SGK3: variants seen among roughly 807,000 people sequenced by gnomAD.
The protein encoded by SGK3 is serine/threonine-protein kinase Sgk3.
In SGK3, 47 loss-of-function variants were observed where a neutral mutation model predicts 68.5. The observed-to-expected ratio is 0.69, with a 90% confidence interval of 0.54 to 0.87. The LOEUF is 0.87. Among genes scored for constraint, SGK3 ranks in the 40% least tolerant of loss-of-function variants. The probability of loss-of-function intolerance (pLI) is 0.00; values close to 1 mark genes in which losing one functional copy is unlikely to be tolerated. For missense variants in SGK3, 479 were observed against 575.5 expected (o/e 0.83, Z 1.72); for synonymous variants, 181 against 189.1 (o/e 0.96, Z 0.35).
intron 5 of SGK3, among the ~76,000 whole-genome samples, chr8:66,816,857 C>T (rs1001924675): frequency 1.3e-5 from 2 of 151,242 alleles, no homozygotes; most frequent in Non-Finnish European, 1.5e-5. Context: ...TTGAGACAGA[C>T]TCTCGCTCTA....
Position 66,861,785 on chromosome 8 carries a change from T to C in SGK3, c.*2204T>C, listed in dbSNP as rs1308684362. On this transcript the variant is annotated 3_prime_UTR_variant, in exon 17 of 17. Transcript: ENST00000521198. ...GACTTTAATATCTATACTGTAAATA[T>C]TTGGTTTATTTGGCACTACTGTAAG... is the stretch of plus-strand genomic sequence containing the variant. 6.6e-6 allele frequency: 1 copy of C among 152,186 alleles called. No homozygotes were observed. The highest frequency in any genetic ancestry group is 1.9e-4 in the East Asian group (1 of 5,200). The allele number at this position is 152,186 out of a possible 1,614,324, so 9.4% of individuals were successfully genotyped here. A position where few individuals can be genotyped will look rare whatever the true frequency, so the allele number is the denominator to read the frequency against.
chr8:66,782,641 T>G (rs1009956714), intron 1 of SGK3, among the ~76,000 whole-genome samples: 2 of 152,242 alleles, frequency 1.3e-5, no homozygotes, highest in Non-Finnish European at 2.9e-5. Context: ...CGTTTCACCC[T>G]GTGCCCCAGC....
intron 3 of SGK3, 37 bp downstream of exon 3, chr8:66,798,662 A>G: frequency 6.5e-7 from 1 of 1,550,242 alleles, no homozygotes; most frequent in African/African-American, 1.4e-5. Flanking sequence ...ATTAAAAGAA[A>G]GCACCCGAGA....
Position 66,744,501 on chromosome 8 carries a change from ATATATATATATATATATATTTTTT to A in SGK3, c.-122+31670_-122+31693del, listed in dbSNP as rs1296066897. 1.5e-4 allele frequency among the ~76,000 whole-genome samples: 3 copies of A among 20,670 alleles called. No homozygotes were observed. The East Asian group carries it at 3.9e-3, about 27-fold the overall frequency. The allele number at this position is 20,670 out of a possible 152,430, so 13.6% of individuals were successfully genotyped here. On this transcript the variant is annotated intron_variant, in intron 1 of 16. Coordinates refer to ENST00000521198, the MANE Select transcript of SGK3 (RefSeq NM_001033578.3). ...TGTGTGTGTATATATATATATATAT[ATATATATATATATATATATTTTTT>A]TTTTTTTTTTTTTTTTTTTTAGATG... is the stretch of plus-strand genomic sequence containing the variant.
At chr8:66,826,118 G>A (rs959872406) in intron 6 of SGK3, among the ~76,000 whole-genome samples, 14 of 152,014 alleles carry the variant, frequency 9.2e-5, no homozygotes, top group Non-Finnish European at 1.8e-4. Flanking sequence ...GACTACAGGC[G>A]CACGCCACCA....
chr8:66,804,827 A>C (rs1808085955), intron 4 of SGK3, among the ~76,000 whole-genome samples: 1 of 152,166 alleles, frequency 6.6e-6, no homozygotes, highest in African/African-American at 2.4e-5. Flanking sequence ...AGTGGCTCAC[A>C]CCTGTAATCG....
intron 5 of SGK3, 48 bp from the exon 6 acceptor site, chr8:66,822,324 C>G: frequency 6.5e-7 from 1 of 1,532,830 alleles, no homozygotes; most frequent in Non-Finnish European, 8.9e-7. Flanking sequence ...GGGAGAAAGG[C>G]TGTAGAAATG....
At position 66,717,214 on chromosome 8, in the gene SGK3, AAAAACAAAAAAAACAAAAAAAAC is replaced by A. The variant is rs1421823382; in HGVS notation, c.-122+4386_-122+4408del. 4.7e-3 allele frequency among the ~76,000 whole-genome samples: 630 copies of A among 133,784 alleles called. 27 individuals are homozygous for A. The highest frequency in any genetic ancestry group is 0.019 in the African/African-American group (575 of 29,704). 87.8% of individuals were successfully genotyped at this position (133,784 alleles called of 152,430 possible). A position where few individuals can be genotyped will look rare whatever the true frequency, so the allele number is the denominator to read the frequency against. ...GAGTGAAACTCTTTATCTGAAAAAAAAAAACAAAAAAAACAAAAAAAACAAAAAAAAAACGCTGGGCTTGGTGG... is the reference window on the plus strand; with the variant it reads ...GAGTGAAACTCTTTATCTGAAAAAAAAAAAAAAAAACGCTGGGCTTGGTGG... On this transcript the variant is annotated intron_variant, in intron 1 of 16. Coordinates refer to ENST00000521198, the MANE Select transcript of SGK3 (RefSeq NM_001033578.3).
rs778354101 is a variant in SGK3, at chr8:66,798,593, A to T, written c.148A>T (p.Arg50Ter). The change falls in exon 3 of 17, where the codon AGA (arginine) becomes TGA (stop). Residue 50 changes from arginine to a stop codon, truncating the protein, a stop_gained. Transcript: ENST00000521198. LOFTEE classifies it high-confidence loss of function. ...VGRSEWFVFRRYAEFDKLYNT... is the reference protein window; with the variant it reads ...VGRSEWFVFR ...AAGAAGTGAATGGTTTGTCTTCAGGAGATATGCAGAGTTTGATAAACTTTA... is the reference window on the plus strand; with the variant it reads ...AAGAAGTGAATGGTTTGTCTTCAGGTGATATGCAGAGTTTGATAAACTTTA... 6.2e-7 allele frequency: 1 copy of T among 1,611,356 alleles called. No individual in the cohort carries two copies.
chr8:66,734,482 G>A (rs1417142102), intron 1 of SGK3, among the ~76,000 whole-genome samples: 1 of 151,950 alleles, frequency 6.6e-6, no homozygotes, highest in African/African-American at 2.4e-5. Context: ...ATTCATTTGA[G>A]GTTTCCTGGG....
intron 1 of SGK3, among the ~76,000 whole-genome samples, chr8:66,776,690 A>G (rs1806726497): frequency 6.6e-6 from 1 of 152,230 alleles, no homozygotes; most frequent in East Asian, 1.9e-4. Flanking sequence ...TTTATCTTTG[A>G]CAGTTTTATG....
At position 66,824,198 on chromosome 8, in the gene SGK3, T is replaced by TA. The variant is rs570648819; in HGVS notation, c.417+1747dup. ...GCTCCTAGGACAATGTAAAAAGCTT[T>TA]AAAAAAAATCTCTGTAGCTGGTCAA... On this transcript the variant is annotated intron_variant, in intron 6 of 16. Transcript: ENST00000521198. Among the ~76,000 whole-genome samples, 33 of 152,062 alleles carry TA rather than the reference T, an allele frequency of 2.2e-4. No individual in the cohort carries two copies. The Middle Eastern group carries it at 0.014, about 63-fold the overall frequency.
intron 1 of SGK3, among the ~76,000 whole-genome samples, chr8:66,722,768 G>A (rs1804831752): frequency 6.6e-6 from 1 of 152,158 alleles, no homozygotes; most frequent in African/African-American, 2.4e-5. Context: ...TCTGCAGGCT[G>A]TACAGGAAGC....
intron 1 of SGK3, chr8:66,767,669 C>T (rs1196397543): frequency 5.0e-6 from 7 of 1,401,602 alleles, no homozygotes; most frequent in Non-Finnish European, 7.1e-6. Context: ...TTTTCTATTT[C>T]TGGATAGCCA....
At chr8:66,721,207 C>T (rs111953826) in intron 1 of SGK3, among the ~76,000 whole-genome samples, 1,715 of 152,316 alleles carry the variant, frequency 0.011, 18 homozygotes, top group Non-Finnish European at 0.017. Context: ...TAGCATCGGT[C>T]TGTGCTGACA....
intron 1 of SGK3, among the ~76,000 whole-genome samples, chr8:66,786,746 TCTGCTTCCATAC>T (rs1441863286): frequency 6.6e-6 from 1 of 152,136 alleles, no homozygotes; most frequent in African/African-American, 2.4e-5. Context: ...CTTTCAAACA[TCTGCTTCCATAC>T]CTGCCTGGCT....
intron 5 of SGK3, among the ~76,000 whole-genome samples, chr8:66,821,278 T>C (rs2130667051): frequency 6.6e-6 from 1 of 152,242 alleles, no homozygotes; most frequent in East Asian, 1.9e-4. Context: ...TATGTCTGTG[T>C]ATCTTTGGTA....
intron 16 of SGK3, among the ~76,000 whole-genome samples, chr8:66,853,376 G>T (rs1181463598): frequency 6.6e-6 from 1 of 152,140 alleles, no homozygotes; most frequent in Non-Finnish European, 1.5e-5. Context: ...ACTTATGATT[G>T]CATCTGTGGG....
chr8:66,765,812 T>C (rs886997180), intron 1 of SGK3, among the ~76,000 whole-genome samples: 3 of 151,574 alleles, frequency 2.0e-5, no homozygotes, highest in African/African-American at 7.3e-5. Flanking sequence ...TCACCTGAGG[T>C]CAGGAGTTTG....
Sources: allele counts gnomAD v4.1 joint callset (sites outside exome capture counted in the v4.1 genomes callset), GRCh38; gene constraint gnomAD v4.1.1; transcripts MANE v1.5; gene names NCBI Gene and HGNC (gene_info 2026-07-23, HGNC 2026-07-21).